Variants in CCDC175 observed in about 807,000 individuals in gnomAD.
The protein encoded by CCDC175 is coiled-coil domain containing 175.
CCDC175 carries 100 observed loss-of-function variants against 114.6 expected under a neutral mutation model. The ratio of observed to expected loss-of-function variants is 0.87; its 90% confidence interval spans 0.74 to 1.03. The LOEUF is 1.03. Ranked by LOEUF, CCDC175 falls within the 50% of genes least tolerant of loss-of-function variation. The pLI is 0.00. For missense variants in CCDC175, 880 were observed against 917.8 expected (o/e 0.96, Z 0.53); for synonymous variants, 306 against 308.7 (o/e 0.99, Z 0.09).
rs75692271 is a variant in CCDC175 at position 59,534,551 on chromosome 14, T to C, written c.1624-2641A>G. Among the ~76,000 whole-genome samples the C allele has an allele frequency of 7.3e-3, 1,117 of 152,326 alleles. 14 individuals are homozygous for C. Among genetic ancestry groups the C allele is most frequent in the African/African-American group, 0.025 (1,055 of 41,582 alleles). On this transcript the variant is annotated intron_variant, in intron 13 of 19. Coordinates refer to ENST00000537690, the MANE Select transcript of CCDC175 (RefSeq NM_001164399.2). ...AAGCTGACAGCCTCACCAGACTGTG[T>C]AACTAGATATCACAGTTGCAGAAGG...
At chr14:59,512,805 GGTGTGTGTGTGT>G (rs140076678) in intron 17 of CCDC175, among the ~76,000 whole-genome samples, 1,771 of 144,444 alleles carry the variant, frequency 0.012, 28 homozygotes, top group African/African-American at 0.042. Context: ...TCTCAGCAGG[GGTGTGTGTGTGT>G]GTGTGTGTGT....
chr14:59,548,524 C>A (rs561477348), intron 8 of CCDC175, among the ~76,000 whole-genome samples: 4 of 152,228 alleles, frequency 2.6e-5, no homozygotes, highest in African/African-American at 9.6e-5. Context: ...AACTCTTTGA[C>A]CAAGTAAGCC....
At chr14:59,522,014 T>C (rs1218513758) in intron 16 of CCDC175, among the ~76,000 whole-genome samples, 1 of 152,252 alleles carries the variant, frequency 6.6e-6, no homozygotes, top group Non-Finnish European at 1.5e-5. Flanking sequence ...GTACAGTAGA[T>C]GTCACAAAGC....
At chr14:59,510,519 T>C (rs917188074) in intron 19 of CCDC175, 127 bp downstream of exon 19, 3 of 890,928 alleles carry the variant, frequency 3.4e-6, no homozygotes, top group Non-Finnish European at 5.4e-6. Context: ...TTCAATTGAA[T>C]GTTTGTGGCA....
chr14:59,570,257 G>A (rs1190116697), intron 3 of CCDC175, among the ~76,000 whole-genome samples: 6 of 152,126 alleles, frequency 3.9e-5, no homozygotes, highest in African/African-American at 1.4e-4. Flanking sequence ...CACACTGCAA[G>A]AGTCAGCCAA....
Position 59,574,873 on chromosome 14 carries a change from TG to T in CCDC175, c.243+69del, listed in dbSNP as rs376518083. 70 of 790,224 alleles carry T rather than the reference TG, an allele frequency of 8.9e-5. No homozygotes were observed. In the African/African-American group the frequency reaches 1.1e-3, roughly 12 times the overall value. The allele number at this position is 790,224 out of a possible 1,614,324, so 49.0% of individuals were successfully genotyped here. On this transcript the variant is annotated intron_variant, in intron 2 of 19. Transcript: ENST00000537690. ...ATCTACTTAATACTTTGAACAGAAT[TG>T]GTGCGAAATGAAAGTTTGAAGAAAT...
intron 14 of CCDC175, among the ~76,000 whole-genome samples, chr14:59,528,063 A>C (rs1893853866): frequency 6.6e-6 from 1 of 152,134 alleles, no homozygotes; most frequent in Non-Finnish European, 1.5e-5. Flanking sequence ...AAATGGGATA[A>C]ATGTTTTGAG....
At chr14:59,546,422 T>C (rs1895113358) in intron 8 of CCDC175, among the ~76,000 whole-genome samples, 1 of 152,134 alleles carries the variant, frequency 6.6e-6, no homozygotes, top group South Asian at 2.1e-4. Context: ...CATTATGCAA[T>C]ATACCCTTGT....
intron 17 of CCDC175, among the ~76,000 whole-genome samples, chr14:59,513,468 C>A (rs1892868621): frequency 6.6e-6 from 1 of 152,170 alleles, no homozygotes. Flanking sequence ...ACTCCCACCC[C>A]AATATGGTGC....
chr14:59,544,909 G>T (rs1359014317), intron 9 of CCDC175, among the ~76,000 whole-genome samples: 1 of 152,094 alleles, frequency 6.6e-6, no homozygotes, highest in Non-Finnish European at 1.5e-5. Context: ...GCTAGAAAAG[G>T]GCCCTCACTC....
rs145579335 is a variant in CCDC175 at position 59,555,459 on chromosome 14, G to A, written c.954-4023C>T. On this transcript the variant is annotated intron_variant, in intron 7 of 19. Coordinates refer to ENST00000537690, the MANE Select transcript of CCDC175 (RefSeq NM_001164399.2). The stretch of plus-strand genomic sequence containing the variant: ...TCAATAAATTTGGTATTGATGGGAC[G>A]TATCTCAAAATAATAAGAGCTATTT... 4.0e-3 allele frequency among the ~76,000 whole-genome samples: 610 copies of A among 152,224 alleles called. 2 individuals are homozygous for A. The highest frequency in any genetic ancestry group is 0.014 in the African/African-American group (571 of 41,510).
intron 13 of CCDC175, among the ~76,000 whole-genome samples, chr14:59,537,209 T>C (rs981885885): frequency 6.6e-6 from 1 of 152,176 alleles, no homozygotes; most frequent in African/African-American, 2.4e-5. Flanking sequence ...CTACTTTCTT[T>C]TGGTTATTAA....
chr14:59,576,751 C>T lies in CCDC175; in HGVS notation c.25G>A (p.Gly9Arg), dbSNP rs1897150351. The change falls in exon 1 of 20, where the codon GGG (glycine) becomes AGG (arginine). Residue 9 changes from glycine (G) to arginine (R), a missense_variant. Physicochemically the swap from Gly to Arg is moderately radical, Grantham distance 125. Transcript: ENST00000537690. ...ACCAGCTTCTCGCCAGCGCCCAGCC[C>T]TGGGGTCCAGGGGCTCAGGGCCATT... MALSPWTP[G>R]LGAGEKLVQA... 6.8e-7 allele frequency: 1 copy of T among 1,470,492 alleles called. No homozygotes were observed. The highest frequency in any genetic ancestry group is 8.9e-7 in the Non-Finnish European group (1 of 1,121,068). 91.1% of individuals were successfully genotyped at this position (1,470,492 alleles called of 1,614,324 possible). A position where few individuals can be genotyped will look rare whatever the true frequency, so the allele number is the denominator to read the frequency against.
chr14:59,523,805 C>A (rs961996509), intron 16 of CCDC175, among the ~76,000 whole-genome samples: 1 of 151,966 alleles, frequency 6.6e-6, no homozygotes, highest in Non-Finnish European at 1.5e-5. Context: ...CTGGCTAACA[C>A]GGTGAAACCC....
Position 59,565,197 on chromosome 14 carries a change from G to A in CCDC175, c.570C>T (p.Thr190=), listed in dbSNP as rs369313947. ...SLNQTMEKKA[T]TTVYINETYT... ...AAGTCTCATTTATGTAAACAGTGGTGGTGGCTTTTTTCTCCATAGTTTGGT... is the reference window on the plus strand; with the variant it reads ...AAGTCTCATTTATGTAAACAGTGGTAGTGGCTTTTTTCTCCATAGTTTGGT... The change falls in exon 5 of 20, where the codon ACC becomes ACT. Residue 190 remains threonine (T), a synonymous_variant. Coordinates refer to ENST00000537690, the MANE Select transcript of CCDC175 (RefSeq NM_001164399.2). The A allele has an allele frequency of 4.0e-5, 61 of 1,537,612 alleles. No homozygotes were observed. Among genetic ancestry groups the A allele is most frequent in the Non-Finnish European group, 5.1e-5 (58 of 1,147,030 alleles).
At chr14:59,563,908 C>G in intron 5 of CCDC175, 49 bp from the exon 6 acceptor site, 6 of 1,242,336 alleles carry the variant, frequency 4.8e-6, no homozygotes, top group Non-Finnish European at 6.2e-6. Flanking sequence ...ATTAGCACAA[C>G]AAAGTTTAAA....
chr14:59,526,977 G>A, intron 15 of CCDC175, 118 bp downstream of exon 15: 1 of 556,022 alleles, frequency 1.8e-6, no homozygotes, highest in Non-Finnish European at 3.1e-6. Flanking sequence ...GATATTGAAT[G>A]GGTAAGTTTA....
At chr14:59,511,727 T>C (rs1434164600) in intron 18 of CCDC175, 33 bp downstream of exon 18, 1 of 1,519,570 alleles carries the variant, frequency 6.6e-7, no homozygotes, top group Non-Finnish European at 8.8e-7. Flanking sequence ...ATATGATATT[T>C]ATATGGAGGC....
intron 3 of CCDC175, among the ~76,000 whole-genome samples, chr14:59,571,575 C>T (rs893750996): frequency 2.6e-4 from 39 of 152,244 alleles, no homozygotes; most frequent in Admixed American, 2.1e-3. Context: ...CACTTCACAG[C>T]CATTTGGATA....
Sources: allele counts gnomAD v4.1 joint callset (sites outside exome capture counted in the v4.1 genomes callset), GRCh38; gene constraint gnomAD v4.1.1; transcripts MANE v1.5; gene names NCBI Gene and HGNC (gene_info 2026-07-23, HGNC 2026-07-21).